ZNF385D: variants seen among roughly 807,000 people sequenced by gnomAD.
ZNF385D encodes the protein zinc finger protein 659.
In ZNF385D, 15 loss-of-function variants were observed where a neutral mutation model predicts 35.8. The observed-to-expected ratio is 0.42, with a 90% confidence interval of 0.28 to 0.64. The LOEUF (loss-of-function observed/expected upper bound fraction) is 0.64. Ranked by LOEUF, ZNF385D falls within the 30% of genes least tolerant of loss-of-function variation. The pLI, the probability that ZNF385D is intolerant of heterozygous loss-of-function variation, is 0.23. For missense variants in ZNF385D, 474 were observed against 494.6 expected (o/e 0.96, Z 0.39); for synonymous variants, 212 against 186.8 (o/e 1.13, Z -1.10).
At chr3:22,325,358 C>A (rs1694627661) in intron 2 of ZNF385D, among the ~76,000 whole-genome samples, 2 of 152,016 alleles carry the variant, frequency 1.3e-5, no homozygotes. Flanking sequence ...TGGTACAAAC[C>A]CTGTAGTTGA....
chr3:21,655,522 T>C (rs2066047681), intron 2 of ZNF385D, among the ~76,000 whole-genome samples: 1 of 152,030 alleles, frequency 6.6e-6, no homozygotes, highest in South Asian at 2.1e-4. Flanking sequence ...GCTGGTGACA[T>C]TAGACAGCAT....
intron 3 of ZNF385D, among the ~76,000 whole-genome samples, chr3:22,143,939 A>G (rs1288706206): frequency 6.6e-6 from 1 of 152,176 alleles, no homozygotes; most frequent in Non-Finnish European, 1.5e-5. Context: ...AAGAATTTTT[A>G]AAGGCTTAAA....
chr3:21,747,608 G>C (rs2069840345), intron 1 of ZNF385D, among the ~76,000 whole-genome samples: 1 of 152,176 alleles, frequency 6.6e-6, no homozygotes, highest in African/African-American at 2.4e-5. Context: ...ATGGAAATGG[G>C]GAGACAATTC....
chr3:22,329,077 A>AAT (rs1553649517), intron 2 of ZNF385D, among the ~76,000 whole-genome samples: 4 of 39,028 alleles, frequency 1.0e-4, no homozygotes, highest in African/African-American at 3.9e-4. Flanking sequence ...ACTCCGTCTC[A>AAT]AAAAAAAAAA....
chr3:22,111,414 A>T (rs758198413), intron 3 of ZNF385D, among the ~76,000 whole-genome samples: 1 of 151,992 alleles, frequency 6.6e-6, no homozygotes, highest in Non-Finnish European at 1.5e-5. Context: ...GGATTGGACA[A>T]AGCAGAAAGT....
chr3:22,014,635 AT>A (rs1277927327), intron 3 of ZNF385D, among the ~76,000 whole-genome samples: 1 of 152,174 alleles, frequency 6.6e-6, no homozygotes, highest in Admixed American at 6.5e-5. Context: ...CACCATGAAA[AT>A]TTTAAAACAA....
intron 2 of ZNF385D, among the ~76,000 whole-genome samples, chr3:21,606,268 A>G (rs2064480050): frequency 6.6e-6 from 1 of 152,152 alleles, no homozygotes; most frequent in Non-Finnish European, 1.5e-5. Flanking sequence ...CTTCAGGACA[A>G]TGGGTGGTAA....
intron 2 of ZNF385D, among the ~76,000 whole-genome samples, chr3:22,331,887 C>CA (rs1328580995): frequency 6.6e-6 from 1 of 152,078 alleles, no homozygotes. Context: ...TAGTAACTTT[C>CA]AAAAAATATG....
At chr3:22,359,831 A>G (rs1316247881) in intron 2 of ZNF385D, among the ~76,000 whole-genome samples, 1 of 151,934 alleles carries the variant, frequency 6.6e-6, no homozygotes, top group Non-Finnish European at 1.5e-5. Context: ...TGAATTTATA[A>G]TATCATTTAT....
chr3:21,507,276 A>G (rs1001740837), intron 4 of ZNF385D, among the ~76,000 whole-genome samples: 1 of 152,002 alleles, frequency 6.6e-6, no homozygotes, highest in African/African-American at 2.4e-5. Context: ...TGTTGCCCCA[A>G]CCCTCTCCAG....
At chr3:21,947,812 A>C (rs1233379786) in intron 3 of ZNF385D, among the ~76,000 whole-genome samples, 18 of 152,266 alleles carry the variant, frequency 1.2e-4, no homozygotes, top group Non-Finnish European at 2.5e-4. Flanking sequence ...TGTTATGCTT[A>C]GAAAGACTCT....
At chr3:21,541,761 G>T (rs4858329) in intron 3 of ZNF385D, among the ~76,000 whole-genome samples, 2 of 151,846 alleles carry the variant, frequency 1.3e-5, no homozygotes, top group East Asian at 3.9e-4. Context: ...AATGGAATGA[G>T]CAAATTTTAT....
At chr3:22,350,850 T>C (rs1270665929) in intron 2 of ZNF385D, among the ~76,000 whole-genome samples, 2 of 152,118 alleles carry the variant, frequency 1.3e-5, no homozygotes, top group African/African-American at 2.4e-5. Context: ...CACCACTTAT[T>C]GCATGGCAGG....
At chr3:22,074,025 G>C (rs552115271) in intron 3 of ZNF385D, among the ~76,000 whole-genome samples, 14 of 151,906 alleles carry the variant, frequency 9.2e-5, no homozygotes, top group Admixed American at 9.2e-4. Flanking sequence ...CATATGTCCA[G>C]GGATCTTAAA....
chr3:22,110,605 A>T (rs1475906172), intron 3 of ZNF385D, among the ~76,000 whole-genome samples: 1 of 150,664 alleles, frequency 6.6e-6, no homozygotes, highest in Non-Finnish European at 1.5e-5. Flanking sequence ...ACATGGACAC[A>T]GGAAGGGGAA....
At chr3:21,643,168 T>C (rs979929536) in intron 2 of ZNF385D, among the ~76,000 whole-genome samples, 12 of 152,214 alleles carry the variant, frequency 7.9e-5, no homozygotes, top group African/African-American at 2.4e-4. Context: ...ACCTGGGCAA[T>C]TGAGCCACAG....
At chr3:21,756,133 G>A (rs75144729), upstream of ZNF385D, among the ~76,000 whole-genome samples, 851 of 152,270 alleles carry the variant, frequency 5.6e-3, 14 homozygotes, top group African/African-American at 0.02. Context: ...AAGCGAGCAA[G>A]GACAGATGTA....
intron 3 of ZNF385D, among the ~76,000 whole-genome samples, chr3:22,084,815 C>G (rs1700940919): frequency 6.6e-6 from 1 of 152,176 alleles, no homozygotes; most frequent in East Asian, 1.9e-4. Flanking sequence ...AAATTGACCA[C>G]ATAGTTGGAA....
chr3:21,552,832 G>A lies in ZNF385D; in HGVS notation c.276+11742C>T, dbSNP rs188589427. On this transcript the variant is annotated intron_variant, in intron 3 of 7. Coordinates refer to ENST00000281523, the MANE Select transcript of ZNF385D (RefSeq NM_024697.3). Reference sequence around the variant, plus strand: ...TGAATATGTTACATTACATGACAAAGGGGAATTAGGTTAGCAGATAAAAAT... The same window carrying A: ...TGAATATGTTACATTACATGACAAAAGGGAATTAGGTTAGCAGATAAAAAT... Among the ~76,000 whole-genome samples, 284 of 152,282 alleles carry A rather than the reference G, an allele frequency of 1.9e-3. 1 individual carries two copies. Among genetic ancestry groups the A allele is most frequent in the African/African-American group, 6.6e-3 (276 of 41,548 alleles).
Sources: allele counts gnomAD v4.1 joint callset (sites outside exome capture counted in the v4.1 genomes callset), GRCh38; gene constraint gnomAD v4.1.1; transcripts MANE v1.5; gene names NCBI Gene and HGNC (gene_info 2026-07-23, HGNC 2026-07-21).